DMD: variants seen among roughly 807,000 people sequenced by gnomAD.
DMD encodes mutant dystrophin.
DMD carries 63 observed loss-of-function variants against 330.1 expected under a neutral mutation model. The observed-to-expected ratio is 0.19, with a 90% CI of 0.16 to 0.24. The LOEUF is 0.24. Among genes scored for constraint, DMD ranks in the 10% least tolerant of loss-of-function variants. The pLI is 1.00. For missense variants in DMD, 3,344 were observed against 2,684.1 expected, an observed-to-expected ratio of 1.25 and a Z score of -5.43; for synonymous variants, 1,223 against 959.8, an observed-to-expected ratio of 1.27 and a Z score of -5.07.
At chrX:32,268,679 T>G (rs956852473) in intron 43 of DMD, among the ~76,000 whole-genome samples, 21 of 111,928 alleles carry the variant, frequency 1.9e-4, no homozygotes, top group Non-Finnish European at 9.4e-5. Flanking sequence ...AATGCAAGAA[T>G]TTATATTATT....
intron 7 of DMD, among the ~76,000 whole-genome samples, chrX:32,798,255 CT>C (rs1041869992): frequency 3.6e-5 from 4 of 112,036 alleles, no homozygotes; most frequent in African/African-American, 1.3e-4. Flanking sequence ...ATCCAAACAA[CT>C]GAAATGGATA....
intron 44 of DMD, among the ~76,000 whole-genome samples, chrX:32,110,062 A>G (rs775255316): frequency 6.3e-5 from 7 of 111,575 alleles, no homozygotes; most frequent in Non-Finnish European, 1.3e-4. Context: ...GCATCCTCCT[A>G]TATTCTGAGA....
intron 63 of DMD, among the ~76,000 whole-genome samples, chrX:31,240,318 T>C (rs929917285): frequency 1.8e-5 from 2 of 112,221 alleles, no homozygotes; most frequent in Non-Finnish European, 3.8e-5. Context: ...TATGTTTGTA[T>C]ATGCAAAAAT....
At chrX:32,843,206 T>A (rs2080331760) in intron 4 of DMD, among the ~76,000 whole-genome samples, 2 of 112,214 alleles carry the variant, frequency 1.8e-5, no homozygotes, top group African/African-American at 6.5e-5. Flanking sequence ...AAGCTACAAA[T>A]AAATTAAATC....
At chrX:32,615,809 A>T (rs1037973260) in intron 11 of DMD, among the ~76,000 whole-genome samples, 2 of 111,703 alleles carry the variant, frequency 1.8e-5, no homozygotes, top group Non-Finnish European at 3.8e-5. Flanking sequence ...CGTTTTATTA[A>T]CATCTTATGT....
At chrX:32,062,495 A>C (rs188015462) in intron 44 of DMD, among the ~76,000 whole-genome samples, 17 of 111,076 alleles carry the variant, frequency 1.5e-4, no homozygotes, top group Non-Finnish European at 2.8e-4. Context: ...ATGAATACAG[A>C]TAAATGTCTT....
At chrX:32,687,181 G>C (rs1363653991) in intron 9 of DMD, among the ~76,000 whole-genome samples, 1 of 112,007 alleles carries the variant, frequency 8.9e-6, no homozygotes, top group Non-Finnish European at 1.9e-5. Flanking sequence ...CTGGATATTT[G>C]AAGATCTGTA....
At chrX:31,407,168 A>G (rs1025485389) in intron 60 of DMD, among the ~76,000 whole-genome samples, 1 of 111,629 alleles carries the variant, frequency 9.0e-6, no homozygotes, top group African/African-American at 3.3e-5. Flanking sequence ...TTATTATTTT[A>G]TTTCATTTTA....
At chrX:33,036,317 A>T (rs993664502) in intron 1 of DMD, among the ~76,000 whole-genome samples, 2 of 112,003 alleles carry the variant, frequency 1.8e-5, no homozygotes, top group African/African-American at 6.5e-5. Context: ...GCATAATTGT[A>T]ATTGCATTGC....
At chrX:32,058,979 TAAGC>T (rs2096202789) in intron 44 of DMD, among the ~76,000 whole-genome samples, 1 of 111,306 alleles carries the variant, frequency 9.0e-6, no homozygotes, top group Non-Finnish European at 1.9e-5. Flanking sequence ...CTAAATAAAA[TAAGC>T]AAGTCGTAAA....
chrX:32,725,948 T>C (rs894557815), intron 7 of DMD, among the ~76,000 whole-genome samples: 2 of 111,111 alleles, frequency 1.8e-5, no homozygotes, highest in African/African-American at 6.5e-5. Flanking sequence ...TGTCTCTCTC[T>C]TTCTATACAT....
At chrX:32,772,551 C>G (rs1363479761) in intron 7 of DMD, among the ~76,000 whole-genome samples, 1 of 111,990 alleles carries the variant, frequency 8.9e-6, no homozygotes, top group Non-Finnish European at 1.9e-5. Flanking sequence ...TTTAAGGTCA[C>G]ACATCTGGTA....
chrX:32,968,909 A>T (rs1159869575), intron 2 of DMD, among the ~76,000 whole-genome samples: 4 of 105,236 alleles, frequency 3.8e-5, no homozygotes, highest in African/African-American at 1.4e-4. Context: ...GGTGCCTATA[A>T]TCCCAGCTAC....
At chrX:32,425,197 A>G (rs781167127) in intron 29 of DMD, among the ~76,000 whole-genome samples, 35 of 111,213 alleles carry the variant, frequency 3.1e-4, no homozygotes, top group African/African-American at 7.2e-4. Flanking sequence ...CATTTCCTCA[A>G]TGACACCAGT....
At chrX:31,731,228 T>A (rs942222244) in intron 51 of DMD, among the ~76,000 whole-genome samples, 1 of 112,225 alleles carries the variant, frequency 8.9e-6, no homozygotes, top group African/African-American at 3.2e-5. Flanking sequence ...ATGGTTTCTT[T>A]ACACAACAGA....
intron 1 of DMD, among the ~76,000 whole-genome samples, chrX:33,058,218 T>G (rs185492212): frequency 5.0e-4 from 56 of 111,746 alleles, no homozygotes; most frequent in African/African-American, 1.8e-3. Context: ...GGGACACAAG[T>G]TATATCAGGT....
At chrX:32,520,064 G>T (rs1433507658) in intron 17 of DMD, among the ~76,000 whole-genome samples, 2 of 111,339 alleles carry the variant, frequency 1.8e-5, no homozygotes, top group Non-Finnish European at 3.8e-5. Context: ...AGAGACTAGG[G>T]ATCCTGATTC....
At chrX:32,716,334 G>A (rs2065721508) in intron 7 of DMD, among the ~76,000 whole-genome samples, 1 of 110,406 alleles carries the variant, frequency 9.1e-6, no homozygotes, top group Non-Finnish European at 1.9e-5. Context: ...TTGTTTAAAA[G>A]TGTGTAGTAC....
At chrX:33,180,788 T>C (rs1247556879) in intron 1 of DMD, among the ~76,000 whole-genome samples, 3 of 109,048 alleles carry the variant, frequency 2.8e-5, no homozygotes, top group Non-Finnish European at 3.8e-5. Context: ...TGAGGTACAA[T>C]GATATAAGTC....
Sources: allele counts gnomAD v4.1 joint callset (sites outside exome capture counted in the v4.1 genomes callset), GRCh38; gene constraint gnomAD v4.1.1; transcripts MANE v1.5; gene names NCBI Gene and HGNC (gene_info 2026-07-23, HGNC 2026-07-21).